IMMP2L: variants seen among roughly 807,000 people sequenced by gnomAD.
IMMP2L encodes the protein mitochondrial inner membrane protease subunit 2.
IMMP2L carries 18 observed loss-of-function variants against 19.3 expected under a neutral mutation model. The observed-to-expected ratio is 0.93, with a 90% CI of 0.64 to 1.38. IMMP2L has a LOEUF of 1.38. Among genes scored for constraint, IMMP2L ranks in the 40% most tolerant of loss-of-function variants. The pLI is 0.00. For synonymous variants in IMMP2L, 76 were observed against 73.0 expected (o/e 1.04, Z -0.21); for missense variants, 233 against 218.2 (o/e 1.07, Z -0.43).
chr7:111,119,765 G>A (rs1264858174), intron 3 of IMMP2L, among the ~76,000 whole-genome samples: 1 of 152,090 alleles, frequency 6.6e-6, no homozygotes, highest in East Asian at 1.9e-4. Flanking sequence ...ATGCCCAGAA[G>A]ATAGGATGCA....
At chr7:110,693,840 G>T (rs1165128370) in intron 5 of IMMP2L, among the ~76,000 whole-genome samples, 1 of 152,174 alleles carries the variant, frequency 6.6e-6, no homozygotes, top group East Asian at 1.9e-4. Flanking sequence ...TTGTTTTGTT[G>T]TTGTTGTTGT....
At chr7:111,026,162 A>T (rs1456557721) in intron 3 of IMMP2L, among the ~76,000 whole-genome samples, 2 of 152,174 alleles carry the variant, frequency 1.3e-5, no homozygotes, top group East Asian at 3.8e-4. Context: ...AGTCACAACC[A>T]TTGTGTAATT....
intron 3 of IMMP2L, among the ~76,000 whole-genome samples, chr7:110,983,175 CTAT>C (rs1210543516): frequency 2.0e-5 from 3 of 151,896 alleles, no homozygotes; most frequent in East Asian, 3.9e-4. Flanking sequence ...AAGTTATTGG[CTAT>C]TATTATCTAT....
intron 4 of IMMP2L, among the ~76,000 whole-genome samples, chr7:110,952,053 T>C (rs1336676376): frequency 6.6e-6 from 1 of 152,180 alleles, no homozygotes; most frequent in African/African-American, 2.4e-5. Context: ...ACAGTGGGTA[T>C]TTTAAAAGAC....
At chr7:111,409,480 A>C (rs895622959) in intron 3 of IMMP2L, among the ~76,000 whole-genome samples, 1 of 151,844 alleles carries the variant, frequency 6.6e-6, no homozygotes, top group Non-Finnish European at 1.5e-5. Context: ...TTTTAAAAGA[A>C]GCTGTACATG....
At chr7:110,958,392 A>C (rs993642037) in intron 4 of IMMP2L, among the ~76,000 whole-genome samples, 4 of 152,064 alleles carry the variant, frequency 2.6e-5, no homozygotes, top group African/African-American at 9.7e-5. Flanking sequence ...ATGTTCATTA[A>C]AGCATTTTGA....
intron 3 of IMMP2L, among the ~76,000 whole-genome samples, chr7:111,215,346 G>A (rs1811820604): frequency 6.6e-6 from 1 of 152,050 alleles, no homozygotes; most frequent in Non-Finnish European, 1.5e-5. Flanking sequence ...TATTACACTC[G>A]AATCTGAATC....
intron 2 of IMMP2L, chr7:111,492,457 T>G: frequency 1.1e-6 from 1 of 883,096 alleles, no homozygotes; most frequent in Non-Finnish European, 1.4e-6. Context: ...TTTTCCCCAC[T>G]TGGAAACTTC....
intron 3 of IMMP2L, among the ~76,000 whole-genome samples, chr7:111,267,294 T>C: frequency 6.6e-6 from 1 of 152,170 alleles, no homozygotes; most frequent in East Asian, 1.9e-4. Context: ...GAATTTTAGG[T>C]AATTTGAATG....
rs541544940 is a variant in IMMP2L, at chr7:110,780,297, T to C, written c.408+106296A>G. 2.6e-5 allele frequency among the ~76,000 whole-genome samples: 4 copies of C among 151,196 alleles called. No homozygotes were observed. The Admixed American group carries it at 2.7e-4, about 10-fold the overall frequency. On this transcript the variant is annotated intron_variant, in intron 5 of 5. Transcript: ENST00000405709. ...TGACTCTCTGGATTAGTTCTCTATA[T>C]ACTAGATAGAAAAAGGTTTTTGTGT...
At chr7:111,063,029 G>A (rs760973822) in intron 3 of IMMP2L, among the ~76,000 whole-genome samples, 10 of 152,248 alleles carry the variant, frequency 6.6e-5, no homozygotes, top group Non-Finnish European at 1.5e-4. Flanking sequence ...CAGTGCCCCA[G>A]TAGGGACTCT....
chr7:110,926,603 C>T lies in IMMP2L; in HGVS notation c.305+36897G>A, dbSNP rs561562337. Among the ~76,000 whole-genome samples the T allele has an allele frequency of 7.9e-5, 12 of 152,040 alleles. No individual in the cohort carries two copies. The South Asian group carries it at 1.0e-3, about 13-fold the overall frequency. On this transcript the variant is annotated intron_variant, in intron 4 of 5. Transcript: ENST00000405709. ...TCAATTAAAGGATGTATATGTATTC[C>T]GTTAATTTTTCTCATCTTTAAGTTT... is the stretch of plus-strand genomic sequence containing the variant.
intron 5 of IMMP2L, among the ~76,000 whole-genome samples, chr7:110,696,366 T>C (rs1452510738): frequency 6.6e-6 from 1 of 151,266 alleles, no homozygotes; most frequent in African/African-American, 2.4e-5. Context: ...CACTTAGAAA[T>C]AGACTCAGTA....
intron 3 of IMMP2L, among the ~76,000 whole-genome samples, chr7:111,430,969 T>C (rs1836567659): frequency 6.6e-6 from 1 of 151,462 alleles, no homozygotes; most frequent in Admixed American, 6.6e-5. Flanking sequence ...TAGTCAGACG[T>C]GGTGGTGAGT....
rs189152014 is a variant in IMMP2L, at chr7:111,178,054, A to G, written c.240-214489T>C. 6.1e-3 allele frequency among the ~76,000 whole-genome samples: 926 copies of G among 152,210 alleles called. 12 individuals are homozygous for G. The highest frequency in any genetic ancestry group is 0.021 in the African/African-American group (885 of 41,554). ...ATTTCTTACTAGCTAGGGGACATAT[A>G]CATACTTTTAAGAACCAGCAAGCAT... On this transcript the variant is annotated intron_variant, in intron 3 of 5. Transcript: ENST00000405709.
intron 5 of IMMP2L, among the ~76,000 whole-genome samples, chr7:110,869,695 T>C (rs966199458): frequency 1.6e-4 from 24 of 152,146 alleles, no homozygotes; most frequent in South Asian, 4.1e-4. Context: ...AGAAAATCTC[T>C]ATTTTTTACA....
At chr7:111,209,652 G>T (rs765629136) in intron 3 of IMMP2L, among the ~76,000 whole-genome samples, 7 of 152,090 alleles carry the variant, frequency 4.6e-5, no homozygotes, top group Non-Finnish European at 1.0e-4. Context: ...AGGAGCAAAT[G>T]ACTTTTTCAA....
chr7:111,534,381 T>C (rs868686542), intron 1 of IMMP2L, among the ~76,000 whole-genome samples: 24 of 152,068 alleles, frequency 1.6e-4, no homozygotes, highest in African/African-American at 5.5e-4. Flanking sequence ...AGTTGGAAAA[T>C]TGCATTTTTA....
Position 111,090,609 on chromosome 7 carries a change from TAA to T in IMMP2L, c.240-127046_240-127045del, listed in dbSNP as rs201456063. 7.9e-4 allele frequency among the ~76,000 whole-genome samples: 89 copies of T among 113,092 alleles called. 1 individual carries two copies. The highest frequency in any genetic ancestry group is 2.3e-3 in the African/African-American group (74 of 32,492). The allele number at this position is 113,092 out of a possible 152,430, so 74.2% of individuals were successfully genotyped here. On this transcript the variant is annotated intron_variant, in intron 3 of 5. Transcript: ENST00000405709. ...CAATCCAGACAAGAAATGTCATTGC[TAA>T]AAAAAAAAAAAAAAAAGTGTTATTG...
Sources: gnomAD v4.1 joint callset for allele counts (sites outside exome capture counted in the v4.1 genomes callset) on GRCh38, gnomAD v4.1.1 for gene constraint, MANE v1.5 for transcripts, NCBI Gene and HGNC (gene_info 2026-07-23, HGNC 2026-07-21) for gene names.